PTPN9: variants seen among roughly 807,000 people sequenced by gnomAD.
PTPN9 encodes protein tyrosine phosphatase non-receptor type 9, also known as tyrosine-protein phosphatase non-receptor type 9.
A neutral mutation model predicts 69.8 loss-of-function variants in PTPN9; 26 were observed. That is an observed-to-expected ratio of 0.37 (90% confidence interval 0.27 to 0.52). The LOEUF (loss-of-function observed/expected upper bound fraction) is 0.52, where lower values mean the gene tolerates loss of function less well. Ranked by LOEUF, PTPN9 falls within the 20% of genes least tolerant of loss-of-function variation. The pLI is 0.91. For missense variants in PTPN9, 549 were observed against 740.3 expected (o/e 0.74, Z 3.00); for synonymous variants, 274 against 272.5 (o/e 1.01, Z -0.05).
intron 1 of PTPN9, among the ~76,000 whole-genome samples, chr15:75,547,308 A>G (rs1195533404): frequency 1.4e-5 from 2 of 145,198 alleles, no homozygotes; most frequent in African/African-American, 5.1e-5. Flanking sequence ...AAAAAAAAAA[A>G]AAAAAAAAGG....
chr15:75,521,265 G>A (rs1179415767), intron 4 of PTPN9, among the ~76,000 whole-genome samples: 2 of 138,086 alleles, frequency 1.4e-5, no homozygotes, highest in African/African-American at 2.6e-5. Context: ...CTAACAAGGT[G>A]AAACCCCATC....
intron 1 of PTPN9, among the ~76,000 whole-genome samples, chr15:75,541,309 C>T (rs998102714): frequency 1.3e-5 from 2 of 151,600 alleles, no homozygotes; most frequent in East Asian, 3.9e-4. Flanking sequence ...TGTCGCACTC[C>T]TGGCCTCCAG....
At chr15:75,531,242 C>G (rs943692460) in intron 1 of PTPN9, among the ~76,000 whole-genome samples, 17 of 151,864 alleles carry the variant, frequency 1.1e-4, no homozygotes, top group African/African-American at 4.1e-4. Context: ...ATAGCTTACA[C>G]CATTGGAGAA....
rs2074548254 is a variant in PTPN9, at chr15:75,468,684, C to T, written c.*85G>A. 16 of 1,209,966 alleles carry T rather than the reference C, an allele frequency of 1.3e-5. No homozygotes were observed. Among genetic ancestry groups the T allele is most frequent in the Admixed American group, 2.0e-5 (1 of 50,390 alleles). 75.0% of individuals were successfully genotyped at this position (1,209,966 alleles called of 1,614,324 possible). ...GAAAGAAGTTGATCCATGGCTTCAG[C>T]GTAACTGATGGCAACCTATAGGCTC... On this transcript the variant is annotated 3_prime_UTR_variant, in exon 13 of 13. Coordinates refer to ENST00000618819, the MANE Select transcript of PTPN9 (RefSeq NM_002833.4).
At chr15:75,504,080 G>A (rs1490300484) in intron 7 of PTPN9, among the ~76,000 whole-genome samples, 2 of 128,056 alleles carry the variant, frequency 1.6e-5, no homozygotes, top group African/African-American at 3.0e-5. Context: ...AGGGAGGTGG[G>A]GGGATCAGCA....
At chr15:75,559,787 A>AAG (rs1281474405) in intron 1 of PTPN9, among the ~76,000 whole-genome samples, 1 of 148,874 alleles carries the variant, frequency 6.7e-6, no homozygotes, top group Non-Finnish European at 1.5e-5. Flanking sequence ...AAAAAAAAAG[A>AAG]AGAAAGAAAA....
At chr15:75,477,397 C>G (rs1196907834) in intron 9 of PTPN9, among the ~76,000 whole-genome samples, 1 of 152,054 alleles carries the variant, frequency 6.6e-6, no homozygotes, top group Non-Finnish European at 1.5e-5. Context: ...GAGTTCGAGA[C>G]CAGCCTAGGC....
intron 1 of PTPN9, among the ~76,000 whole-genome samples, chr15:75,569,698 A>C (rs927910662): frequency 6.6e-6 from 1 of 151,864 alleles, no homozygotes; most frequent in Non-Finnish European, 1.5e-5. Context: ...AAAAAAAAAA[A>C]AAAACAGTTC....
chr15:75,468,560 AAC>A lies in PTPN9; in HGVS notation c.*207_*208del. 1 of 503,188 alleles carries A rather than the reference AAC, an allele frequency of 2.0e-6. No homozygotes were observed. The highest frequency in any genetic ancestry group is 3.6e-6 in the Non-Finnish European group (1 of 277,440). The allele number at this position is 503,188 out of a possible 1,614,324, so 31.2% of individuals were successfully genotyped here. A position where few individuals can be genotyped will look rare whatever the true frequency, so the allele number is the denominator to read the frequency against. On this transcript the variant is annotated 3_prime_UTR_variant, in exon 13 of 13. Transcript: ENST00000618819. ...TTGATAGCAGATGCTAGGAATTAAGAACACATTGCTACTGGCCCTTTCTAGTG... is the reference window on the plus strand; with the variant it reads ...TTGATAGCAGATGCTAGGAATTAAGAACATTGCTACTGGCCCTTTCTAGTG...
intron 7 of PTPN9, among the ~76,000 whole-genome samples, chr15:75,493,870 G>A (rs1228334184): frequency 6.6e-6 from 1 of 152,026 alleles, no homozygotes. Context: ...ACTTGTTTTT[G>A]TAAATGAAGT....
In PTPN9 at chr15:75,560,664, G is replaced by A. The variant is rs142541951; in HGVS notation, c.63+18050C>T. On this transcript the variant is annotated intron_variant, in intron 1 of 12. Transcript: ENST00000618819. ...AAAGAGGAGGATTGCTTGAGCCCAG[G>A]AGCACGAGACCAGCCTGGGCAACAC... 5.9e-5 allele frequency among the ~76,000 whole-genome samples: 9 copies of A among 152,250 alleles called. No individual in the cohort carries two copies. In the East Asian group the frequency reaches 1.7e-3, roughly 29 times the overall value.
At chr15:75,548,602 TTTTTTGTTTTAATTTTTG>T (rs2075044081) in intron 1 of PTPN9, among the ~76,000 whole-genome samples, 1 of 151,314 alleles carries the variant, frequency 6.6e-6, no homozygotes, top group South Asian at 2.1e-4. Flanking sequence ...GTGGTATTGC[TTTTTTGTTTTAATTTTTG>T]TTTTTGTTTT....
intron 8 of PTPN9, chr15:75,480,679 C>A: frequency 7.9e-7 from 1 of 1,263,432 alleles, no homozygotes; most frequent in Non-Finnish European, 1.0e-6. Flanking sequence ...GAGCCGCTGC[C>A]GCGACCGACC....
intron 1 of PTPN9, among the ~76,000 whole-genome samples, chr15:75,543,561 T>C (rs2075018673): frequency 6.6e-6 from 1 of 152,150 alleles, no homozygotes; most frequent in Admixed American, 6.6e-5. Flanking sequence ...TATATGTCAT[T>C]TGTTTGTTGA....
At chr15:75,559,467 T>C (rs964171129) in intron 1 of PTPN9, among the ~76,000 whole-genome samples, 1 of 152,202 alleles carries the variant, frequency 6.6e-6, no homozygotes, top group Non-Finnish European at 1.5e-5. Context: ...ATCTGTGACC[T>C]TGCCCCCAGC....
intron 1 of PTPN9, among the ~76,000 whole-genome samples, chr15:75,566,287 G>C (rs2075126126): frequency 6.6e-6 from 1 of 152,084 alleles, no homozygotes; most frequent in African/African-American, 2.4e-5. Flanking sequence ...GGCCAGATTT[G>C]CAATAATATT....
At chr15:75,528,862 G>A (rs554325775) in intron 1 of PTPN9, among the ~76,000 whole-genome samples, 1 of 152,000 alleles carries the variant, frequency 6.6e-6, no homozygotes, top group East Asian at 1.9e-4. Flanking sequence ...CACCATGCCT[G>A]GATAATTTTT....
intron 12 of PTPN9, among the ~76,000 whole-genome samples, chr15:75,469,590 A>G (rs1321495655): frequency 6.6e-6 from 1 of 152,236 alleles, no homozygotes; most frequent in African/African-American, 2.4e-5. Flanking sequence ...CAACCCCTAG[A>G]GGACTTGGCT....
intron 1 of PTPN9, among the ~76,000 whole-genome samples, chr15:75,537,091 C>A (rs1391886313): frequency 6.6e-6 from 1 of 152,046 alleles, no homozygotes; most frequent in Non-Finnish European, 1.5e-5. Flanking sequence ...GTGGCTCACA[C>A]CTGTAATCCC....
Sources: gnomAD v4.1 joint callset for allele counts (sites outside exome capture counted in the v4.1 genomes callset) on GRCh38, gnomAD v4.1.1 for gene constraint, MANE v1.5 for transcripts, NCBI Gene and HGNC (gene_info 2026-07-23, HGNC 2026-07-21) for gene names.